Variants in ZNF431 observed in about 807,000 individuals in gnomAD.
ZNF431 encodes the protein zinc finger protein 431.
Under a neutral mutation model 57.0 loss-of-function variants are expected in ZNF431, and 34 were observed. The observed-to-expected ratio is 0.60, with a 90% CI of 0.45 to 0.79. The LOEUF (loss-of-function observed/expected upper bound fraction) is 0.79, where lower values mean the gene tolerates loss of function less well. Ranked by LOEUF, ZNF431 falls within the 30% of genes least tolerant of loss-of-function variation. The pLI is 0.00. For synonymous variants in ZNF431, 207 were observed against 220.3 expected (o/e 0.94, Z 0.54); for missense variants, 607 against 667.1 (o/e 0.91, Z 0.99).
rs1175678283 is a variant in ZNF431 at position 21,192,059 on chromosome 19, T to C, written c.*8025T>C. The C allele has an allele frequency of 6.6e-6, 1 of 152,228 alleles. No homozygotes were observed. The highest frequency in any genetic ancestry group is 2.4e-5 in the African/African-American group (1 of 41,470). 9.4% of individuals were successfully genotyped at this position (152,228 alleles called of 1,614,324 possible). ...TTAAATTTATTTCAAACTATAGTTA[T>C]TGTAGATGTAATTGTTTTTGAATTT... On this transcript the variant is annotated 3_prime_UTR_variant, in exon 5 of 5. Transcript: ENST00000311048.
intron 2 of ZNF431, among the ~76,000 whole-genome samples, chr19:21,148,704 C>A (rs1280254833): frequency 6.6e-6 from 1 of 152,112 alleles, no homozygotes; most frequent in Non-Finnish European, 1.5e-5. Flanking sequence ...TTTTAGTAGT[C>A]AAAATTAGAT....
chr19:21,155,223 T>G (rs984269667), intron 2 of ZNF431, among the ~76,000 whole-genome samples: 1 of 152,334 alleles, frequency 6.6e-6, no homozygotes, highest in Non-Finnish European at 1.5e-5. Flanking sequence ...GGATCCAGTT[T>G]CAGCTTTCTA....
chr19:21,165,102 A>T (rs2144989242), intron 2 of ZNF431, among the ~76,000 whole-genome samples: 1 of 152,086 alleles, frequency 6.6e-6, no homozygotes, highest in East Asian at 1.9e-4. Context: ...CAAAAAAAAA[A>T]AAAAAAATGT....
chr19:21,181,268 A>C (rs1403458698), intron 4 of ZNF431, among the ~76,000 whole-genome samples: 1 of 152,130 alleles, frequency 6.6e-6, no homozygotes, highest in Non-Finnish European at 1.5e-5. Context: ...TTTTATATGT[A>C]AGGCATATGA....
chr19:21,193,091 A>T lies in ZNF431; in HGVS notation c.*9057A>T, dbSNP rs1317573701. 1.3e-5 allele frequency: 2 copies of T among 152,232 alleles called. No individual in the cohort carries two copies. Among genetic ancestry groups the T allele is most frequent in the African/African-American group, 4.8e-5 (2 of 41,456 alleles). 9.4% of individuals were successfully genotyped at this position (152,232 alleles called of 1,614,324 possible). A position where few individuals can be genotyped will look rare whatever the true frequency, so the allele number is the denominator to read the frequency against. On this transcript the variant is annotated 3_prime_UTR_variant, in exon 5 of 5. Coordinates refer to ENST00000311048, the MANE Select transcript of ZNF431 (RefSeq NM_133473.4). The stretch of plus-strand genomic sequence containing the variant: ...ATTGAATTAATAATTTAAAAAACCT[A>T]CCAACTATAAGGAGCCCTGGATTAT...
At chr19:21,152,928 G>A (rs751019164) in intron 2 of ZNF431, among the ~76,000 whole-genome samples, 9 of 152,174 alleles carry the variant, frequency 5.9e-5, no homozygotes, top group Non-Finnish European at 1.0e-4. Context: ...AATTGAGGGC[G>A]AGTCCGTAAA....
chr19:21,183,289 C>T lies in ZNF431; in HGVS notation c.986C>T (p.Ser329Leu), dbSNP rs1227964496. Residue 329 changes from serine (S) to leucine (L), a missense_variant, in exon 5 of 5, where the codon TCA becomes TTA. Transcript: ENST00000311048. ...TGTGGCAAAGCTTTTAACCAGTCTT[C>T]AACCCTTAGTACACATAAGTTCATT... Reference protein sequence around the residue: ...EECGKAFNQSSTLSTHKFIHA... With the variant: ...EECGKAFNQSLTLSTHKFIHA... The T allele has an allele frequency of 6.2e-7, 1 of 1,614,024 alleles. No homozygotes were observed. Among genetic ancestry groups the T allele is most frequent in the Non-Finnish European group, 8.5e-7 (1 of 1,179,940 alleles).
intron 3 of ZNF431, among the ~76,000 whole-genome samples, chr19:21,167,276 T>C (rs899429075): frequency 1.3e-5 from 2 of 152,066 alleles, no homozygotes; most frequent in Non-Finnish European, 2.9e-5. Context: ...TTCTCCTCCT[T>C]AGCCTCTGGA....
Position 21,188,507 on chromosome 19 carries a change from G to A in ZNF431, c.*4473G>A, listed in dbSNP as rs896514077. 1 of 152,100 alleles carries A rather than the reference G, an allele frequency of 6.6e-6. No individual in the cohort carries two copies. Among genetic ancestry groups the A allele is most frequent in the Non-Finnish European group, 1.5e-5 (1 of 68,010 alleles). The allele number at this position is 152,100 out of a possible 1,614,324, so 9.4% of individuals were successfully genotyped here. The stretch of plus-strand genomic sequence containing the variant: ...TCCATGCAGAATCTTTTATTTTTAA[G>A]TGTGAGTGTTAAAGGTTACAAAATA... On this transcript the variant is annotated 3_prime_UTR_variant, in exon 5 of 5. Coordinates refer to ENST00000311048, the MANE Select transcript of ZNF431 (RefSeq NM_133473.4).
At chr19:21,149,902 G>GT in intron 2 of ZNF431, 1 of 626,498 alleles carries the variant, frequency 1.6e-6, no homozygotes, top group Non-Finnish European at 3.0e-6. Context: ...TGATAATGCA[G>GT]TAAGGGACTC....
chr19:21,146,711 C>T (rs1970108234), intron 2 of ZNF431, among the ~76,000 whole-genome samples: 1 of 152,134 alleles, frequency 6.6e-6, no homozygotes, highest in African/African-American at 2.4e-5. Flanking sequence ...TTATTGCAAC[C>T]TGTTTTGTCC....
At chr19:21,156,968 G>A (rs747107111) in intron 2 of ZNF431, among the ~76,000 whole-genome samples, 3 of 152,102 alleles carry the variant, frequency 2.0e-5, no homozygotes, top group Admixed American at 2.0e-4. Context: ...TTGTAGAGAT[G>A]AGTTTTGCCA....
intron 2 of ZNF431, chr19:21,150,321 C>T: frequency 2.3e-6 from 1 of 428,624 alleles, no homozygotes. Context: ...TGCCCAGTGC[C>T]ACAATTCTTA....
chr19:21,145,499 A>G (rs1248373475), intron 2 of ZNF431, among the ~76,000 whole-genome samples: 1 of 152,108 alleles, frequency 6.6e-6, no homozygotes, highest in Admixed American at 6.5e-5. Context: ...AGAAACAAAT[A>G]AAAGCCCAGC....
At position 21,191,905 on chromosome 19, in the gene ZNF431, A is replaced by G. The variant is rs956467606; in HGVS notation, c.*7871A>G. The stretch of plus-strand genomic sequence containing the variant: ...TTAAAACTTTTCTATGAAGTATATC[A>G]CGTATTTCGATAGAGGTTGCATTAT... On this transcript the variant is annotated 3_prime_UTR_variant, in exon 5 of 5. Transcript: ENST00000311048. 6.6e-6 allele frequency: 1 copy of G among 152,216 alleles called. No individual in the cohort carries two copies. Among genetic ancestry groups the G allele is most frequent in the African/African-American group, 2.4e-5 (1 of 41,460 alleles). The allele number at this position is 152,216 out of a possible 1,614,324, so 9.4% of individuals were successfully genotyped here.
intron 2 of ZNF431, among the ~76,000 whole-genome samples, chr19:21,158,800 G>A (rs1465567289): frequency 6.6e-6 from 1 of 151,918 alleles, no homozygotes; most frequent in Non-Finnish European, 1.5e-5. Context: ...TTCTTTTTTG[G>A]ATGTCTTTTA....
In ZNF431 at chr19:21,191,910, T is replaced by G. The variant is rs946345879; in HGVS notation, c.*7876T>G. On this transcript the variant is annotated 3_prime_UTR_variant, in exon 5 of 5. Coordinates refer to ENST00000311048, the MANE Select transcript of ZNF431 (RefSeq NM_133473.4). Reference sequence around the variant, plus strand: ...ACTTTTCTATGAAGTATATCACGTATTTCGATAGAGGTTGCATTATACCTG... The same window carrying G: ...ACTTTTCTATGAAGTATATCACGTAGTTCGATAGAGGTTGCATTATACCTG... 2 of 152,224 alleles carry G rather than the reference T, an allele frequency of 1.3e-5. No homozygotes were observed. Among genetic ancestry groups the G allele is most frequent in the African/African-American group, 4.8e-5 (2 of 41,454 alleles). The allele number at this position is 152,224 out of a possible 1,614,324, so 9.4% of individuals were successfully genotyped here. A position where few individuals can be genotyped will look rare whatever the true frequency, so the allele number is the denominator to read the frequency against.
rs1035610213 is a variant in ZNF431 at position 21,195,223 on chromosome 19, G to C, written c.*11189G>C. ...AATACAAATTATTATTAGTAGAAAT[G>C]CTGAATTGCTTCATTTCTGCAATTT... is the stretch of plus-strand genomic sequence containing the variant. On this transcript the variant is annotated 3_prime_UTR_variant, in exon 5 of 5. Transcript: ENST00000311048. 5 of 152,188 alleles carry C rather than the reference G, an allele frequency of 3.3e-5. No homozygotes were observed. Among genetic ancestry groups the C allele is most frequent in the African/African-American group, 1.2e-4 (5 of 41,454 alleles). The allele number at this position is 152,188 out of a possible 1,614,324, so 9.4% of individuals were successfully genotyped here.
In ZNF431 at chr19:21,186,020, G is replaced by A. The variant is rs1047722355; in HGVS notation, c.*1986G>A. ...TCTCATGCCAGGTGTGGTGGCTCAC[G>A]TCTGTAATCCCAGCACTTTGACAGG... On this transcript the variant is annotated 3_prime_UTR_variant, in exon 5 of 5. Transcript: ENST00000311048. The A allele has an allele frequency of 1.3e-4, 20 of 151,972 alleles. No homozygotes were observed. Among genetic ancestry groups the A allele is most frequent in the South Asian group, 2.1e-4 (1 of 4,806 alleles). 9.4% of individuals were successfully genotyped at this position (151,972 alleles called of 1,614,324 possible). A position where few individuals can be genotyped will look rare whatever the true frequency, so the allele number is the denominator to read the frequency against.
Sources: gnomAD v4.1 joint callset for allele counts (sites outside exome capture counted in the v4.1 genomes callset) on GRCh38, gnomAD v4.1.1 for gene constraint, MANE v1.5 for transcripts, NCBI Gene and HGNC (gene_info 2026-07-23, HGNC 2026-07-21) for gene names.